CHST11: variants seen among roughly 807,000 people sequenced by gnomAD.
CHST11 encodes the protein carbohydrate sulfotransferase 11, also known as C4S-1.
A neutral mutation model predicts 30.4 loss-of-function variants in CHST11; 9 were observed. That is an observed-to-expected ratio of 0.30 (90% CI 0.18 to 0.52). The LOEUF is 0.52. Among genes scored for constraint, CHST11 ranks in the 20% least tolerant of loss-of-function variants. The pLI, the probability that CHST11 is intolerant of heterozygous loss-of-function variation, is 0.97. For missense variants in CHST11, 348 were observed against 460.6 expected (o/e 0.76, Z 2.24); for synonymous variants, 152 against 187.8 (o/e 0.81, Z 1.56).
intron 1 of CHST11, among the ~76,000 whole-genome samples, chr12:104,590,290 G>T (rs1381664440): frequency 6.6e-6 from 1 of 152,186 alleles, no homozygotes; most frequent in East Asian, 1.9e-4. Flanking sequence ...AGCTTCCCAG[G>T]CCCCTTTGTA....
At chr12:104,633,019 C>T (rs1285593890) in intron 2 of CHST11, among the ~76,000 whole-genome samples, 2 of 152,236 alleles carry the variant, frequency 1.3e-5, no homozygotes, top group African/African-American at 4.8e-5. Flanking sequence ...AGCCATCTCT[C>T]ATTTTTCAGA....
In CHST11 at chr12:104,476,996, G is replaced by A. The variant is rs1040352602; in HGVS notation, c.118+19467G>A. Among the ~76,000 whole-genome samples, 6 of 152,222 alleles carry A rather than the reference G, an allele frequency of 3.9e-5. No individual in the cohort carries two copies. The East Asian group carries it at 5.8e-4, about 15-fold the overall frequency. ...GGTAAGGAGAGGTTTCACTTGATCT[G>A]GGAAGAGAACAGAACTTTCTTCAGA... On this transcript the variant is annotated intron_variant, in intron 1 of 2. Transcript: ENST00000303694.
intron 1 of CHST11, among the ~76,000 whole-genome samples, chr12:104,523,422 C>G (rs1420595942): frequency 6.6e-6 from 1 of 152,196 alleles, no homozygotes; most frequent in Non-Finnish European, 1.5e-5. Flanking sequence ...TGGAATCTAC[C>G]TGGGTATAAC....
intron 1 of CHST11, among the ~76,000 whole-genome samples, chr12:104,520,088 C>T (rs531167589): frequency 4.6e-5 from 7 of 152,288 alleles, no homozygotes; most frequent in African/African-American, 7.2e-5. Flanking sequence ...TTGCTGGCGT[C>T]GGAACTGATC....
chr12:104,664,974 C>G (rs2039629599), intron 2 of CHST11, among the ~76,000 whole-genome samples: 1 of 152,156 alleles, frequency 6.6e-6, no homozygotes, highest in South Asian at 2.1e-4. Context: ...ATGAATGTGG[C>G]CAACACCCGG....
chr12:104,463,668 G>A (rs1354649020), intron 1 of CHST11, among the ~76,000 whole-genome samples: 1 of 152,196 alleles, frequency 6.6e-6, no homozygotes, highest in Non-Finnish European at 1.5e-5. Context: ...AAACAAAACA[G>A]AGAAGATGGT....
chr12:104,457,802 T>TTTC (rs1380648784), intron 1 of CHST11, among the ~76,000 whole-genome samples: 76 of 139,446 alleles, frequency 5.5e-4, no homozygotes, highest in East Asian at 1.1e-3. Context: ...TTTTTTTTTT[T>TTTC]TTCTTCTTCT....
chr12:104,637,025 AG>A (rs2039328965), intron 2 of CHST11, among the ~76,000 whole-genome samples: 1 of 151,990 alleles, frequency 6.6e-6, no homozygotes, highest in African/African-American at 2.4e-5. Context: ...TTGGCTGGCT[AG>A]GCACAGTGGC....
chr12:104,549,996 G>A (rs2038390383), intron 1 of CHST11, among the ~76,000 whole-genome samples: 1 of 152,200 alleles, frequency 6.6e-6, no homozygotes, highest in Non-Finnish European at 1.5e-5. Context: ...TGGCACCCAG[G>A]TGAAAAGAGG....
chr12:104,597,486 A>T (rs1393430348), intron 1 of CHST11, among the ~76,000 whole-genome samples: 2 of 152,162 alleles, frequency 1.3e-5, no homozygotes, highest in Non-Finnish European at 2.9e-5. Flanking sequence ...GGAAAAAAAA[A>T]TAACCATAGC....
intron 2 of CHST11, among the ~76,000 whole-genome samples, chr12:104,692,587 C>G (rs901567683): frequency 6.6e-6 from 1 of 152,110 alleles, no homozygotes; most frequent in Non-Finnish European, 1.5e-5. Context: ...TGACTTAAAC[C>G]AGGGGTCCCT....
At chr12:104,502,907 G>A (rs527694956) in intron 1 of CHST11, among the ~76,000 whole-genome samples, 3 of 152,294 alleles carry the variant, frequency 2.0e-5, no homozygotes, top group South Asian at 2.1e-4. Flanking sequence ...CATAGGAATC[G>A]CCTGGAGTTC....
intron 2 of CHST11, among the ~76,000 whole-genome samples, chr12:104,707,693 C>T (rs1042039077): frequency 2.0e-5 from 3 of 152,210 alleles, no homozygotes; most frequent in African/African-American, 7.2e-5. Flanking sequence ...CTGTAGGGGA[C>T]CCAGTCTCCT....
intron 1 of CHST11, among the ~76,000 whole-genome samples, chr12:104,599,338 A>G (rs1003556606): frequency 6.6e-6 from 1 of 152,212 alleles, no homozygotes; most frequent in Non-Finnish European, 1.5e-5. Flanking sequence ...CTTTTAATGG[A>G]TTCCATGGTA....
chr12:104,506,365 A>G (rs553396716), intron 1 of CHST11, among the ~76,000 whole-genome samples: 1 of 152,300 alleles, frequency 6.6e-6, no homozygotes, highest in African/African-American at 2.4e-5. Flanking sequence ...GTTTCCTCAT[A>G]TCTAAAATGG....
At chr12:104,656,175 C>T (rs1198650120) in intron 2 of CHST11, among the ~76,000 whole-genome samples, 1 of 152,154 alleles carries the variant, frequency 6.6e-6, no homozygotes, top group Admixed American at 6.5e-5. Context: ...GTGTCCACCT[C>T]GAATCAAATC....
chr12:104,610,202 C>T (rs2136052750), intron 2 of CHST11, among the ~76,000 whole-genome samples: 1 of 152,128 alleles, frequency 6.6e-6, no homozygotes, highest in South Asian at 2.1e-4. Flanking sequence ...TGTTATACTC[C>T]CAATGCCTAG....
chr12:104,515,870 G>A (rs564431398), intron 1 of CHST11, among the ~76,000 whole-genome samples: 3 of 152,290 alleles, frequency 2.0e-5, no homozygotes, highest in African/African-American at 7.2e-5. Context: ...AAAGCCTTGG[G>A]GTGCAAGCAT....
intron 2 of CHST11, among the ~76,000 whole-genome samples, chr12:104,611,731 T>C (rs2039061262): frequency 6.6e-6 from 1 of 152,208 alleles, no homozygotes; most frequent in African/African-American, 2.4e-5. Flanking sequence ...AAGTCTCCGA[T>C]TCATGCTGAT....
Sources: allele counts gnomAD v4.1 joint callset (sites outside exome capture counted in the v4.1 genomes callset), GRCh38; gene constraint gnomAD v4.1.1; transcripts MANE v1.5; gene names NCBI Gene and HGNC (gene_info 2026-07-23, HGNC 2026-07-21).